KCNH1: variants seen among roughly 807,000 people sequenced by gnomAD.
KCNH1 encodes potassium voltage-gated channel subfamily H member 1, also known as voltage-gated delayed rectifier potassium channel KCNH1.
Under a neutral mutation model 69.2 loss-of-function variants are expected in KCNH1, and 27 were observed. The observed-to-expected ratio is 0.39, with a 90% CI of 0.29 to 0.54. KCNH1 has a LOEUF of 0.54. KCNH1 is among the 20% of genes least tolerant of loss of function. KCNH1 has a pLI of 0.68. For synonymous variants in KCNH1, 456 were observed against 487.7 expected, an observed-to-expected ratio of 0.93 and a Z score of 0.86; for missense variants, 798 against 1,261.6, an observed-to-expected ratio of 0.63 and a Z score of 5.57.
At chr1:211,066,019 A>G (rs1690522584) in intron 5 of KCNH1, among the ~76,000 whole-genome samples, 1 of 152,204 alleles carries the variant, frequency 6.6e-6, no homozygotes, top group Non-Finnish European at 1.5e-5. Flanking sequence ...TGACCACACC[A>G]CTGAGCTCTA....
chr1:210,955,914 C>T (rs1269580165), intron 6 of KCNH1, among the ~76,000 whole-genome samples: 3 of 152,290 alleles, frequency 2.0e-5, no homozygotes, highest in Admixed American at 6.5e-5. Context: ...TGCCTGATTG[C>T]TCTGGCCAGA....
intron 7 of KCNH1, among the ~76,000 whole-genome samples, chr1:210,812,664 G>A (rs927765709): frequency 2.0e-5 from 3 of 152,212 alleles, no homozygotes; most frequent in African/African-American, 7.2e-5. Flanking sequence ...CAGGGTGCAG[G>A]AGGGAGTGTC....
chr1:211,010,757 G>T (rs1424305128), intron 6 of KCNH1, among the ~76,000 whole-genome samples: 1 of 152,174 alleles, frequency 6.6e-6, no homozygotes, highest in Non-Finnish European at 1.5e-5. Flanking sequence ...TAGACCAGGG[G>T]CTCCTTGGGG....
chr1:210,761,177 G>A (rs557050896), intron 10 of KCNH1, among the ~76,000 whole-genome samples: 17 of 145,972 alleles, frequency 1.2e-4, no homozygotes, highest in East Asian at 1.0e-3. Flanking sequence ...GCGTGAACCC[G>A]GGAGGCGGAG....
In KCNH1 at chr1:211,018,815, T is replaced by G; in HGVS notation, c.1000A>C (p.Ile334Leu). Residue 334 changes from isoleucine to leucine, a missense_variant, in exon 6 of 11, where the codon ATT becomes CTT. Physicochemically the swap from Ile to Leu is conservative, Grantham distance 5. Transcript: ENST00000271751. ...TCTCTCCCCTCCAGTGGTGGTGGAA[T>G]CTGATCAGCAAAACCAATCTTCCCT... ...DPGKIGFADQ[I>L]PPPLEGRESQ... 6.2e-7 allele frequency: 1 copy of G among 1,612,698 alleles called. No homozygotes were observed. Among genetic ancestry groups the G allele is most frequent in the Non-Finnish European group, 8.5e-7 (1 of 1,179,282 alleles).
At chr1:210,861,196 T>C in intron 7 of KCNH1, 1 of 968,044 alleles carries the variant, frequency 1.0e-6, no homozygotes, top group Admixed American at 1.7e-5. Context: ...CATCAGCATC[T>C]GTATAACACA....
At chr1:211,085,776 T>C (rs935950606) in intron 4 of KCNH1, among the ~76,000 whole-genome samples, 3 of 152,230 alleles carry the variant, frequency 2.0e-5, no homozygotes, top group Non-Finnish European at 2.9e-5. Flanking sequence ...GGACCAACAG[T>C]GTCCCTTATA....
intron 10 of KCNH1, among the ~76,000 whole-genome samples, chr1:210,719,845 C>T (rs1037908470): frequency 3.9e-5 from 6 of 152,082 alleles, no homozygotes; most frequent in Non-Finnish European, 5.9e-5. Flanking sequence ...GAAAACAATC[C>T]GTATCACTGT....
intron 7 of KCNH1, among the ~76,000 whole-genome samples, chr1:210,888,317 A>G (rs1032767778): frequency 6.6e-6 from 1 of 152,190 alleles, no homozygotes; most frequent in Non-Finnish European, 1.5e-5. Context: ...TACCGGGTAA[A>G]CAACAAAATT....
At chr1:210,843,148 G>C (rs756521016) in intron 7 of KCNH1, among the ~76,000 whole-genome samples, 1 of 152,144 alleles carries the variant, frequency 6.6e-6, no homozygotes, top group Non-Finnish European at 1.5e-5. Context: ...CTCTCTTAGC[G>C]GAAGCAAGAA....
At chr1:210,863,598 G>C (rs1467225584) in intron 7 of KCNH1, among the ~76,000 whole-genome samples, 1 of 152,146 alleles carries the variant, frequency 6.6e-6, no homozygotes, top group East Asian at 1.9e-4. Flanking sequence ...TTTATGGAAT[G>C]TTTCCACCTT....
rs1023629756 is a variant in KCNH1, at chr1:210,943,278, C to G, written c.1033-23209G>C. ...CCCCACTCACTCAAAAAATTCTCCC[C>G]CAAACTCAACCCAACTATAATGGAA... On this transcript the variant is annotated intron_variant, in intron 6 of 10. Coordinates refer to ENST00000271751, the MANE Select transcript of KCNH1 (RefSeq NM_172362.3). Among the ~76,000 whole-genome samples the G allele has an allele frequency of 2.6e-5, 4 of 152,150 alleles. No homozygotes were observed. The East Asian group carries it at 7.7e-4, about 29-fold the overall frequency.
At chr1:211,070,430 A>AAAAAAC (rs1553376624) in intron 5 of KCNH1, among the ~76,000 whole-genome samples, 1 of 137,162 alleles carries the variant, frequency 7.3e-6, no homozygotes, top group African/African-American at 2.8e-5. Flanking sequence ...AAAAAAAAAA[A>AAAAAAC]ACACACACAC....
chr1:210,989,945 G>T (rs567521519), intron 6 of KCNH1, among the ~76,000 whole-genome samples: 67 of 152,256 alleles, frequency 4.4e-4, no homozygotes, highest in African/African-American at 1.5e-3. Flanking sequence ...TTTCTTCTGT[G>T]TGATTGCAGA....
chr1:211,114,978 G>T (rs933182962), intron 1 of KCNH1, among the ~76,000 whole-genome samples: 4 of 151,384 alleles, frequency 2.6e-5, no homozygotes, highest in African/African-American at 7.3e-5. Flanking sequence ...TTTGTTTTTT[G>T]TTTTTTTTGA....
At chr1:210,893,298 GTTTTC>G (rs1453409770) in intron 7 of KCNH1, among the ~76,000 whole-genome samples, 1 of 152,098 alleles carries the variant, frequency 6.6e-6, no homozygotes, top group Non-Finnish European at 1.5e-5. Context: ...TAGGTTGATA[GTTTTC>G]TTTTAGTACT....
At chr1:211,001,520 G>T (rs1030532606) in intron 6 of KCNH1, among the ~76,000 whole-genome samples, 2 of 152,218 alleles carry the variant, frequency 1.3e-5, no homozygotes, top group African/African-American at 4.8e-5. Flanking sequence ...AACAACAGGT[G>T]CTGGAGAGGA....
chr1:210,976,689 A>G lies in KCNH1; in HGVS notation c.1032+42094T>C, dbSNP rs1688618504. 1.3e-5 allele frequency among the ~76,000 whole-genome samples: 2 copies of G among 150,236 alleles called. 1 individual carries two copies. The highest frequency in any genetic ancestry group is 3.0e-5 in the Non-Finnish European group (2 of 67,472). On this transcript the variant is annotated intron_variant, in intron 6 of 10. Transcript: ENST00000271751. Reference sequence around the variant, plus strand: ...TGCGGCACTATTCACAATAGCAAAGACTTGGAACCAACCCAAATGTCCGTC... The same window carrying G: ...TGCGGCACTATTCACAATAGCAAAGGCTTGGAACCAACCCAAATGTCCGTC...
chr1:211,123,105 C>T (rs1463172814), intron 1 of KCNH1, among the ~76,000 whole-genome samples: 1 of 152,018 alleles, frequency 6.6e-6, no homozygotes, highest in Non-Finnish European at 1.5e-5. Flanking sequence ...GTAGGGGACA[C>T]ACTTGTCCAT....
Sources: gnomAD v4.1 joint callset for allele counts (sites outside exome capture counted in the v4.1 genomes callset) on GRCh38, gnomAD v4.1.1 for gene constraint, MANE v1.5 for transcripts, NCBI Gene and HGNC (gene_info 2026-07-23, HGNC 2026-07-21) for gene names.